Variants in EPB41L3 observed in about 807,000 individuals in gnomAD.
EPB41L3 encodes band 4.1-like protein 3.
EPB41L3 carries 57 observed loss-of-function variants against 127.1 expected under a neutral mutation model. The ratio of observed to expected loss-of-function variants is 0.45; its 90% CI spans 0.36 to 0.56. EPB41L3 has a LOEUF of 0.56. EPB41L3 is among the 20% of genes least tolerant of loss of function. The pLI is 0.00. For missense variants in EPB41L3, 1,273 were observed against 1,372.2 expected (o/e 0.93, Z 1.14); for synonymous variants, 572 against 549.5 (o/e 1.04, Z -0.57).
At position 5,445,248 on chromosome 18, in the gene EPB41L3, C is replaced by A. The variant is rs371088776; in HGVS notation, c.382-4G>T. On this transcript the variant is annotated splice_region_variant and splice_polypyrimidine_tract_variant and intron_variant, in intron 3 of 22. Transcript: ENST00000341928. ...GCACTTGTCCTCTGGAGCGTTTCTA[C>A]AGAAAACAGAATAGCAAAGCAAGTC... 7 of 1,609,664 alleles carry A rather than the reference C, an allele frequency of 4.3e-6. No individual in the cohort carries two copies. Among genetic ancestry groups the A allele is most frequent in the Non-Finnish European group, 5.1e-6 (6 of 1,176,602 alleles).
chr18:5,437,980 G>T, intron 6 of EPB41L3, 55 bp downstream of exon 6: 1 of 1,538,512 alleles, frequency 6.5e-7, no homozygotes, highest in South Asian at 1.1e-5. Context: ...GAGCATTTAA[G>T]AGAAGCACAA....
chr18:5,398,052 C>T lies in EPB41L3; in HGVS notation c.2441G>A (p.Gly814Glu). The T allele has an allele frequency of 1.2e-6, 2 of 1,614,106 alleles. No homozygotes were observed. The highest frequency in any genetic ancestry group is 1.1e-5 in the South Asian group (1 of 91,080). ...CCAGCTTTGAGAAGTAGAAGTAACC[C>T]CTCCTATGAATTCTGTTGGTTTTCG... Reference protein sequence around the residue: ...SARKPTEFIGGVTSTSQSWVQ... With the variant: ...SARKPTEFIGEVTSTSQSWVQ... The change falls in exon 17 of 23, where the codon GGG (glycine) becomes GAG (glutamate). Residue 814 changes from glycine to glutamate, a missense_variant. Coordinates refer to ENST00000341928, the MANE Select transcript of EPB41L3 (RefSeq NM_012307.5).
chr18:5,394,956 G>A (rs916360760), intron 21 of EPB41L3, 111 bp downstream of exon 21: 8 of 1,263,218 alleles, frequency 6.3e-6, no homozygotes, highest in African/African-American at 4.4e-5. Flanking sequence ...AAGTTAATTC[G>A]GAATTTTCTT....
At chr18:5,418,654 G>T (rs930743544) in intron 12 of EPB41L3, among the ~76,000 whole-genome samples, 5 of 152,114 alleles carry the variant, frequency 3.3e-5, no homozygotes, top group Non-Finnish European at 7.4e-5. Context: ...GCTTAATTTT[G>T]TGTTTGCCAA....
chr18:5,602,093 T>C (rs2094597988), intron 3 of EPB41L3, among the ~76,000 whole-genome samples: 1 of 152,172 alleles, frequency 6.6e-6, no homozygotes, highest in Admixed American at 6.5e-5. Flanking sequence ...TCATGTAAAA[T>C]TGGTCCTTAA....
chr18:5,489,922 ATCTTAATATATAATAATC>A (rs1393009321), intron 1 of EPB41L3, among the ~76,000 whole-genome samples: 1 of 152,188 alleles, frequency 6.6e-6, no homozygotes, highest in Non-Finnish European at 1.5e-5. Context: ...CAAACAACAG[ATCTTAATATATAATAATC>A]TGCTGATACA....
At chr18:5,591,822 C>T (rs1327832223) in intron 3 of EPB41L3, among the ~76,000 whole-genome samples, 1 of 152,042 alleles carries the variant, frequency 6.6e-6, no homozygotes. Context: ...TTCAATCTAC[C>T]ATTTTCAGGA....
At chr18:5,446,542 A>G (rs1363753800) in intron 3 of EPB41L3, among the ~76,000 whole-genome samples, 1 of 152,238 alleles carries the variant, frequency 6.6e-6, no homozygotes, top group Non-Finnish European at 1.5e-5. Flanking sequence ...AGTTAATGTA[A>G]TACCAATGAG....
chr18:5,627,834 C>T (rs2094938957), intron 1 of EPB41L3, among the ~76,000 whole-genome samples: 1 of 152,190 alleles, frequency 6.6e-6, no homozygotes, highest in South Asian at 2.1e-4. Context: ...TTTTATACCT[C>T]TGCTCCTCAG....
intron 1 of EPB41L3, among the ~76,000 whole-genome samples, chr18:5,516,259 T>A (rs1055419807): frequency 1.3e-5 from 2 of 152,158 alleles, no homozygotes; most frequent in African/African-American, 4.8e-5. Flanking sequence ...CTCATCTAAT[T>A]GGCAGGATTT....
At chr18:5,535,543 A>G (rs1598762887) in intron 1 of EPB41L3, among the ~76,000 whole-genome samples, 1 of 152,308 alleles carries the variant, frequency 6.6e-6, no homozygotes, top group East Asian at 1.9e-4. Flanking sequence ...AAACTACCCA[A>G]AACTCCCTAT....
At chr18:5,422,703 G>A (rs937810602) in intron 11 of EPB41L3, among the ~76,000 whole-genome samples, 2 of 152,140 alleles carry the variant, frequency 1.3e-5, no homozygotes, top group Admixed American at 6.5e-5. Context: ...GAAACTGTTC[G>A]ATAAAACAAA....
chr18:5,630,253 T>G (rs2094978662), upstream of EPB41L3: 1 of 413,714 alleles, frequency 2.4e-6, no homozygotes, highest in Non-Finnish European at 4.7e-6. Context: ...GCCTCGCCCC[T>G]TCCTCGCTTT....
chr18:5,612,317 G>A (rs1166100772), intron 3 of EPB41L3: 1 of 152,248 alleles, frequency 6.6e-6, no homozygotes, highest in Non-Finnish European at 1.5e-5. Context: ...GACACTGGAA[G>A]AAATCATGAC....
At chr18:5,524,725 G>A (rs1299342651) in intron 1 of EPB41L3, among the ~76,000 whole-genome samples, 2 of 152,138 alleles carry the variant, frequency 1.3e-5, no homozygotes, top group Non-Finnish European at 2.9e-5. Context: ...AAAAAGTTAG[G>A]GCCACCTTTT....
rs376172409 is a variant in EPB41L3, at chr18:5,530,878, G to A, written c.-12+13035C>T. 6.1e-4 allele frequency among the ~76,000 whole-genome samples: 93 copies of A among 152,224 alleles called. 3 individuals are homozygous for A. In the South Asian group the frequency reaches 0.018, roughly 30 times the overall value. ...TGTGCTCAGGGTGACAGGAAGCCCC[G>A]CAAAAATGGGCGGTGACATTCATTT... is the stretch of plus-strand genomic sequence containing the variant. On this transcript the variant is annotated intron_variant, in intron 1 of 22. Coordinates refer to ENST00000341928, the MANE Select transcript of EPB41L3 (RefSeq NM_012307.5).
At chr18:5,580,117 G>T (rs548261480) in intron 3 of EPB41L3, among the ~76,000 whole-genome samples, 1 of 152,102 alleles carries the variant, frequency 6.6e-6, no homozygotes, top group African/African-American at 2.4e-5. Flanking sequence ...TGCTCTAAAC[G>T]TCTAAGATAA....
At chr18:5,542,884 A>G (rs2093774330) in intron 1 of EPB41L3, among the ~76,000 whole-genome samples, 1 of 152,184 alleles carries the variant, frequency 6.6e-6, no homozygotes, top group African/African-American at 2.4e-5. Flanking sequence ...GTCCGGCGAG[A>G]TTAGAGGGGA....
At chr18:5,538,269 A>G (rs1434525768) in intron 1 of EPB41L3, among the ~76,000 whole-genome samples, 2 of 152,108 alleles carry the variant, frequency 1.3e-5, no homozygotes, top group African/African-American at 4.8e-5. Flanking sequence ...CACAATATCA[A>G]CTTGGGTCAC....
Sources: allele counts gnomAD v4.1 joint callset (sites outside exome capture counted in the v4.1 genomes callset), GRCh38; gene constraint gnomAD v4.1.1; transcripts MANE v1.5; gene names NCBI Gene and HGNC (gene_info 2026-07-23, HGNC 2026-07-21).